The following ARHGEF3 variants were observed in gnomAD, a reference collection of about 807,000 sequenced individuals.
The protein encoded by ARHGEF3 is Rho guanine nucleotide exchange factor 3.
ARHGEF3 carries 28 observed loss-of-function variants against 63.2 expected under a neutral mutation model. That is an observed-to-expected ratio of 0.44 (90% CI 0.33 to 0.61). ARHGEF3 has a LOEUF of 0.61. Ranked by LOEUF, ARHGEF3 falls within the 20% of genes least tolerant of loss-of-function variation. The probability of loss-of-function intolerance (pLI) is 0.03; values close to 1 mark genes in which losing one functional copy is unlikely to be tolerated. For synonymous variants in ARHGEF3, 266 were observed against 254.2 expected, an observed-to-expected ratio of 1.05 and a Z score of -0.44; for missense variants, 533 against 659.3, an observed-to-expected ratio of 0.81 and a Z score of 2.10.
intron 6 of ARHGEF3, 113 bp from the exon 7 acceptor site, chr3:56,745,575 C>T (rs2107735271): frequency 3.2e-6 from 4 of 1,250,486 alleles, no homozygotes; most frequent in East Asian, 4.9e-5. Flanking sequence ...CTGGGTCTGG[C>T]TGACATTCCT....
chr3:56,861,863 TG>T (rs1185741094), intron 4 of ARHGEF3, among the ~76,000 whole-genome samples: 1 of 104,848 alleles, frequency 9.5e-6, no homozygotes, highest in African/African-American at 3.3e-5. Context: ...TCTAACCTGT[TG>T]GTTTTTTTTT....
intron 3 of ARHGEF3, among the ~76,000 whole-genome samples, chr3:56,945,909 G>A (rs1054851353): frequency 6.6e-6 from 1 of 152,092 alleles, no homozygotes; most frequent in Non-Finnish European, 1.5e-5. Context: ...TCACACGGCC[G>A]GGTACTCCTC....
At chr3:56,913,363 G>A (rs537438578) in intron 3 of ARHGEF3, among the ~76,000 whole-genome samples, 2 of 152,224 alleles carry the variant, frequency 1.3e-5, no homozygotes, top group Admixed American at 6.5e-5. Flanking sequence ...AGACATTTCT[G>A]CAAAGAAGAC....
intron 2 of ARHGEF3, among the ~76,000 whole-genome samples, chr3:56,981,411 A>C (rs915492418): frequency 2.0e-5 from 3 of 152,200 alleles, no homozygotes; most frequent in Non-Finnish European, 2.9e-5. Context: ...GCTGCACACT[A>C]TAAAGGCAGA....
chr3:56,922,992 C>G (rs2042180990), intron 3 of ARHGEF3, among the ~76,000 whole-genome samples: 1 of 126,070 alleles, frequency 7.9e-6, no homozygotes, highest in Non-Finnish European at 1.7e-5. Flanking sequence ...TCAAGACCAG[C>G]TTGGCCAAAA....
At chr3:57,072,989 T>G (rs1445897311) in intron 1 of ARHGEF3, among the ~76,000 whole-genome samples, 1 of 152,174 alleles carries the variant, frequency 6.6e-6, no homozygotes, top group Non-Finnish European at 1.5e-5. Context: ...GAGGTTGCAG[T>G]GAGCCAAGGT....
chr3:57,073,062 A>C (rs1245160432), intron 1 of ARHGEF3, among the ~76,000 whole-genome samples: 1 of 152,136 alleles, frequency 6.6e-6, no homozygotes, highest in East Asian at 1.9e-4. Context: ...AATAAATAAA[A>C]GAAAAAACAT....
intron 2 of ARHGEF3, among the ~76,000 whole-genome samples, chr3:56,981,132 G>A (rs182347078): frequency 1.3e-5 from 2 of 152,336 alleles, no homozygotes; most frequent in African/African-American, 4.8e-5. Flanking sequence ...ATTGGTATGT[G>A]TCTGTCAAGA....
intron 7 of ARHGEF3, among the ~76,000 whole-genome samples, chr3:56,741,184 C>CTT (rs10662620): frequency 0.34 from 44,085 of 128,600 alleles, 8,484 homozygotes; most frequent in African/African-American, 0.47. Context: ...TGCTTTGGTT[C>CTT]TTTTTTTTTT....
At position 56,968,334 on chromosome 3, in the gene ARHGEF3, A is replaced by T. The variant is rs534146634; in HGVS notation, c.63-9445T>A. 1.1e-3 allele frequency among the ~76,000 whole-genome samples: 62 copies of T among 56,780 alleles called. 2 individuals carry two copies. Among genetic ancestry groups the T allele is most frequent in the African/African-American group, 3.4e-3 (56 of 16,508 alleles). 37.2% of individuals were successfully genotyped at this position (56,780 alleles called of 152,430 possible). ...TATAAAATATATTTTATATATATAT[A>T]ATATATAATATATATATTTTTTGAG... On this transcript the variant is annotated intron_variant, in intron 2 of 12. Transcript: ENST00000338458.
At chr3:56,825,259 T>C (rs1271260219) in intron 4 of ARHGEF3, among the ~76,000 whole-genome samples, 1 of 152,250 alleles carries the variant, frequency 6.6e-6, no homozygotes, top group African/African-American at 2.4e-5. Flanking sequence ...AAAGTAGCCA[T>C]GCCACTCCAT....
chr3:56,852,177 A>G (rs569737218), intron 4 of ARHGEF3, among the ~76,000 whole-genome samples: 4 of 152,324 alleles, frequency 2.6e-5, no homozygotes, highest in Admixed American at 2.0e-4. Context: ...ACTAGACAGC[A>G]GAGCTATGGG....
At chr3:57,031,221 T>C (rs554248318) in intron 2 of ARHGEF3, among the ~76,000 whole-genome samples, 2 of 152,332 alleles carry the variant, frequency 1.3e-5, no homozygotes, top group Admixed American at 1.3e-4. Flanking sequence ...CGTAGCCCCA[T>C]GAGGTTTGCA....
rs142586543 is a variant in ARHGEF3 at position 56,796,303 on chromosome 3, G to A, written c.96+5400C>T. On this transcript the variant is annotated intron_variant, in intron 1 of 9. Transcript: ENST00000296315. Reference sequence around the variant, plus strand: ...TTTACGGGCAATCACAGGGTGTCTCGAGAAAATGACACAATTTGCAAATAT... The same window carrying A: ...TTTACGGGCAATCACAGGGTGTCTCAAGAAAATGACACAATTTGCAAATAT... Among the ~76,000 whole-genome samples the A allele has an allele frequency of 2.1e-4, 32 of 152,310 alleles. 1 individual carries two copies. The highest frequency in any genetic ancestry group is 3.9e-4 in the Admixed American group (6 of 15,304).
rs778808215 is a variant in ARHGEF3 at position 56,729,434 on chromosome 3, C to T, written c.1417G>A (p.Gly473Arg). 1.5e-5 allele frequency: 24 copies of T among 1,614,038 alleles called. No individual in the cohort carries two copies. In the Middle Eastern group the frequency reaches 4.9e-4, roughly 33 times the overall value. The change falls in exon 10 of 10, where the codon GGG becomes AGG. Residue 473 changes from glycine to arginine, a missense_variant. Physicochemically the swap from Gly to Arg is moderately radical, Grantham distance 125 (BLOSUM62 -2). This residue lies in a region of ARHGEF3 where 115 missense variants were observed against 103.4 expected (regional missense o/e 1.11). Transcript: ENST00000296315. ...SEGSFLNPTT[G>R]SRELQGETKL... is the part of the protein sequence containing the mutation. Reference sequence around the variant, plus strand: ...GTTTCTCCCTGTAGCTCTCTGCTCCCGGTGGTGGGATTTAGGAACGATCCC... The same window carrying T: ...GTTTCTCCCTGTAGCTCTCTGCTCCTGGTGGTGGGATTTAGGAACGATCCC...
chr3:56,932,124 G>A (rs2042427614), intron 3 of ARHGEF3, among the ~76,000 whole-genome samples: 1 of 152,150 alleles, frequency 6.6e-6, no homozygotes, highest in Admixed American at 6.5e-5. Flanking sequence ...TTCTGACTTA[G>A]ATTCATTTCT....
intron 3 of ARHGEF3, among the ~76,000 whole-genome samples, chr3:56,896,761 A>G (rs2041315880): frequency 6.6e-6 from 1 of 152,234 alleles, no homozygotes; most frequent in Non-Finnish European, 1.5e-5. Context: ...GTCTAGAGTA[A>G]TAAGAGAATA....
chr3:56,794,488 C>CAAAAAA (rs10557985), intron 1 of ARHGEF3, among the ~76,000 whole-genome samples: 26 of 116,906 alleles, frequency 2.2e-4, no homozygotes, highest in East Asian at 1.5e-3. Context: ...GACTCTATCT[C>CAAAAAA]AAAAAAAAAA....
rs566717152 is a variant in ARHGEF3 at position 56,975,771 on chromosome 3, G to A, written c.63-16882C>T. On this transcript the variant is annotated intron_variant, in intron 2 of 12. Coordinates refer to the ARHGEF3 transcript ENST00000338458. ...AAACTCAAACACTTACTATGTACCA[G>A]GCGCAGAGCCAATACTGAGTTGGTT... The A allele has an allele frequency of 4.6e-4, 194 of 425,014 alleles. 1 individual carries two copies. The highest frequency in any genetic ancestry group is 3.2e-3 in the South Asian group (188 of 57,936). The allele number at this position is 425,014 out of a possible 1,614,324, so 26.3% of individuals were successfully genotyped here. A position where few individuals can be genotyped will look rare whatever the true frequency, so the allele number is the denominator to read the frequency against.
Sources: gnomAD v4.1 joint callset for allele counts (sites outside exome capture counted in the v4.1 genomes callset) on GRCh38, gnomAD v4.1.1 for gene constraint, gnomAD v4.1.1 regional missense constraint, MANE v1.5 for transcripts, NCBI Gene and HGNC (gene_info 2026-07-23, HGNC 2026-07-21) for gene names.